Variants in DCC observed in about 807,000 individuals in gnomAD.
DCC encodes the protein DCC netrin 1 receptor.
Under a neutral mutation model 172.5 loss-of-function variants are expected in DCC, and 58 were observed. The observed-to-expected ratio is 0.34, with a 90% CI of 0.27 to 0.42. The LOEUF is 0.42. Among genes scored for constraint, DCC ranks in the 10% least tolerant of loss-of-function variants. The pLI is 1.00. For synonymous variants in DCC, 709 were observed against 644.5 expected (o/e 1.10, Z -1.52); for missense variants, 1,740 against 1,791.0 (o/e 0.97, Z 0.51).
chr18:52,937,519 C>T (rs558401859), intron 5 of DCC, among the ~76,000 whole-genome samples: 7 of 152,180 alleles, frequency 4.6e-5, no homozygotes, highest in African/African-American at 1.7e-4. Context: ...ATGATTGTGA[C>T]TTTATTTGGT....
intron 1 of DCC, among the ~76,000 whole-genome samples, chr18:52,356,607 A>T (rs1252873582): frequency 1.3e-5 from 2 of 152,114 alleles, no homozygotes; most frequent in Non-Finnish European, 2.9e-5. Flanking sequence ...CTTATCTGAG[A>T]CTTTCTGTCT....
chr18:53,220,962 C>T (rs2055923563), intron 12 of DCC, among the ~76,000 whole-genome samples: 1 of 152,074 alleles, frequency 6.6e-6, no homozygotes, highest in Non-Finnish European at 1.5e-5. Flanking sequence ...AAAGACTAGA[C>T]TGGATATAAA....
chr18:52,883,344 TTATTTATGTG>T (rs1460101544), intron 2 of DCC, among the ~76,000 whole-genome samples: 20 of 55,414 alleles, frequency 3.6e-4, no homozygotes, highest in Non-Finnish European at 7.2e-4. Context: ...ATTTATTTAT[TTATTTATGTG>T]TGTGTGTGTG....
chr18:53,087,358 G>T (rs1463574135), intron 7 of DCC, among the ~76,000 whole-genome samples: 1 of 151,458 alleles, frequency 6.6e-6, no homozygotes, highest in African/African-American at 2.4e-5. Flanking sequence ...GCCAGTGATG[G>T]TGAGCACCTT....
At chr18:53,473,154 G>C (rs1163812915) in intron 25 of DCC, among the ~76,000 whole-genome samples, 1 of 151,994 alleles carries the variant, frequency 6.6e-6, no homozygotes, top group Non-Finnish European at 1.5e-5. Flanking sequence ...TTATATGTTT[G>C]AATAACATGT....
At chr18:52,360,289 A>T (rs1984562279) in intron 1 of DCC, among the ~76,000 whole-genome samples, 1 of 152,378 alleles carries the variant, frequency 6.6e-6, no homozygotes, top group Non-Finnish European at 1.5e-5. Flanking sequence ...AGCTTCATGC[A>T]CTTTAATTTC....
At chr18:53,451,839 A>T (rs1472583801) in intron 23 of DCC, among the ~76,000 whole-genome samples, 2 of 152,178 alleles carry the variant, frequency 1.3e-5, no homozygotes, top group Admixed American at 6.5e-5. Context: ...GAAAGAGAAC[A>T]GGGGAAGATA....
At chr18:53,204,619 GTTAT>G (rs768598410) in intron 9 of DCC, among the ~76,000 whole-genome samples, 1 of 151,534 alleles carries the variant, frequency 6.6e-6, no homozygotes, top group East Asian at 1.9e-4. Flanking sequence ...TAGCAGACAA[GTTAT>G]TTATCCTTCT....
At chr18:53,069,499 C>G (rs918055796) in intron 7 of DCC, among the ~76,000 whole-genome samples, 5 of 152,016 alleles carry the variant, frequency 3.3e-5, no homozygotes, top group African/African-American at 1.2e-4. Flanking sequence ...CTGGATGGAG[C>G]TGAGCTAGGA....
chr18:52,941,112 G>A (rs1267051252), intron 5 of DCC: 2 of 152,118 alleles, frequency 1.3e-5, no homozygotes, highest in Admixed American at 1.3e-4. Context: ...CTGAAACATG[G>A]ACTTGTTCAA....
intron 2 of DCC, among the ~76,000 whole-genome samples, chr18:52,792,807 T>A (rs2037799322): frequency 6.6e-6 from 1 of 150,764 alleles, no homozygotes; most frequent in African/African-American, 2.5e-5. Context: ...TCCATTCCAG[T>A]TGATTCAATT....
At chr18:52,512,040 G>T (rs1484108734) in intron 1 of DCC, among the ~76,000 whole-genome samples, 1 of 152,122 alleles carries the variant, frequency 6.6e-6, no homozygotes, top group Non-Finnish European at 1.5e-5. Flanking sequence ...GACAATGCTG[G>T]CCATTAAGCA....
At chr18:53,438,300 C>A (rs1345610266) in intron 22 of DCC, among the ~76,000 whole-genome samples, 1 of 152,176 alleles carries the variant, frequency 6.6e-6, no homozygotes, top group East Asian at 1.9e-4. Context: ...TCAACCACTA[C>A]TGAGCAGTGG....
intron 1 of DCC, among the ~76,000 whole-genome samples, chr18:52,520,864 C>G (rs949222275): frequency 2.6e-5 from 4 of 152,068 alleles, no homozygotes; most frequent in Non-Finnish European, 5.9e-5. Context: ...TGTTCTCATG[C>G]ATGAGTTACA....
At chr18:53,263,336 G>C (rs1200618827) in intron 12 of DCC, among the ~76,000 whole-genome samples, 3 of 152,058 alleles carry the variant, frequency 2.0e-5, no homozygotes, top group Admixed American at 1.3e-4. Context: ...ATTTTTAGTA[G>C]AGACAGGGTT....
intron 1 of DCC, among the ~76,000 whole-genome samples, chr18:52,556,958 C>T (rs2032931134): frequency 2.0e-5 from 3 of 152,140 alleles, no homozygotes; most frequent in Non-Finnish European, 4.4e-5. Flanking sequence ...TACCAAGCAA[C>T]CACAGTGTAT....
chr18:53,092,859 C>T (rs2144187549), intron 7 of DCC, among the ~76,000 whole-genome samples: 1 of 151,984 alleles, frequency 6.6e-6, no homozygotes, highest in East Asian at 1.9e-4. Flanking sequence ...AAATGAATTT[C>T]TATTCAAACA....
intron 1 of DCC, among the ~76,000 whole-genome samples, chr18:52,574,032 A>G (rs1245259282): frequency 6.6e-6 from 1 of 152,160 alleles, no homozygotes; most frequent in Non-Finnish European, 1.5e-5. Flanking sequence ...TCCAACACAC[A>G]TCTGTATAAT....
At chr18:53,112,682 G>T (rs1433658485) in intron 7 of DCC, among the ~76,000 whole-genome samples, 1 of 151,490 alleles carries the variant, frequency 6.6e-6, no homozygotes, top group African/African-American at 2.4e-5. Context: ...CTCCTTAAAA[G>T]GATGGGAAGA....
Sources: allele counts gnomAD v4.1 joint callset (sites outside exome capture counted in the v4.1 genomes callset), GRCh38; gene constraint gnomAD v4.1.1; transcripts MANE v1.5; gene names NCBI Gene and HGNC (gene_info 2026-07-23, HGNC 2026-07-21).